PPFIA1: variants seen among roughly 807,000 people sequenced by gnomAD.
The protein encoded by PPFIA1 is liprin-alpha-1.
Under a neutral mutation model 149.9 loss-of-function variants are expected in PPFIA1, and 25 were observed. That is an observed-to-expected ratio of 0.17 (90% CI 0.12 to 0.23). The LOEUF is 0.23. Among genes scored for constraint, PPFIA1 ranks in the 10% least tolerant of loss-of-function variants. The pLI is 1.00. For synonymous variants in PPFIA1, 549 were observed against 552.8 expected (o/e 0.99, Z 0.10); for missense variants, 1,362 against 1,506.5 (o/e 0.90, Z 1.59).
intron 11 of PPFIA1, among the ~76,000 whole-genome samples, chr11:70,335,947 G>C (rs908319961): frequency 1.3e-5 from 2 of 152,170 alleles, no homozygotes; most frequent in Non-Finnish European, 2.9e-5. Context: ...GTAGGTAAGT[G>C]GTTTTTATAA....
At chr11:70,364,483 G>A (rs2056817835) in intron 21 of PPFIA1, 1 of 152,180 alleles carries the variant, frequency 6.6e-6, no homozygotes, top group South Asian at 2.1e-4. Flanking sequence ...TTGCAATGAA[G>A]AGCCTCACAC....
intron 2 of PPFIA1, among the ~76,000 whole-genome samples, chr11:70,319,163 C>T (rs183486238): frequency 2.0e-4 from 30 of 152,362 alleles, no homozygotes; most frequent in Admixed American, 1.4e-3. Context: ...CACTTGCTTC[C>T]GCCAGAATCC....
At chr11:70,302,407 A>C (rs1009847583) in intron 2 of PPFIA1, among the ~76,000 whole-genome samples, 3 of 152,218 alleles carry the variant, frequency 2.0e-5, no homozygotes, top group African/African-American at 7.2e-5. Flanking sequence ...GCTGGAGTGC[A>C]TTCTCTGAGA....
At chr11:70,342,935 C>CGT (rs1565421266) in intron 14 of PPFIA1, among the ~76,000 whole-genome samples, 56 of 103,146 alleles carry the variant, frequency 5.4e-4, no homozygotes, top group African/African-American at 2.2e-3. Context: ...AAATGTACCA[C>CGT]CTTTTTTTTT....
At chr11:70,336,566 C>T (rs965152551) in intron 11 of PPFIA1, among the ~76,000 whole-genome samples, 9 of 151,250 alleles carry the variant, frequency 6.0e-5, no homozygotes, top group African/African-American at 9.7e-5. Context: ...TAGGTTGTAT[C>T]GTGTACTAGA....
At chr11:70,363,418 T>C (rs78913325) in intron 21 of PPFIA1, 67 of 152,380 alleles carry the variant, frequency 4.4e-4, no homozygotes, top group African/African-American at 1.6e-3. Flanking sequence ...TCCGTATCAT[T>C]CCATGTGTAA....
chr11:70,312,743 C>A (rs1387088892), intron 2 of PPFIA1, among the ~76,000 whole-genome samples: 1 of 152,160 alleles, frequency 6.6e-6, no homozygotes, highest in Non-Finnish European at 1.5e-5. Flanking sequence ...AATGGGTGTG[C>A]CTTTGGTTCC....
chr11:70,306,969 C>G (rs1354511943), intron 2 of PPFIA1, among the ~76,000 whole-genome samples: 1 of 152,182 alleles, frequency 6.6e-6, no homozygotes, highest in Non-Finnish European at 1.5e-5. Context: ...CTTCCCACCT[C>G]TCCCAGCAGA....
At chr11:70,302,129 G>C (rs571960479) in intron 2 of PPFIA1, among the ~76,000 whole-genome samples, 1 of 152,338 alleles carries the variant, frequency 6.6e-6, no homozygotes, top group South Asian at 2.1e-4. Flanking sequence ...GTTGCCCTCA[G>C]GGGCCAGAAG....
At chr11:70,272,119 G>C in intron 1 of PPFIA1, 54 bp from the exon 2 acceptor site, 1 of 1,558,654 alleles carries the variant, frequency 6.4e-7, no homozygotes, top group Non-Finnish European at 8.7e-7. Flanking sequence ...TTGCATATTT[G>C]TGGGAACCTG....
chr11:70,372,334 C>T lies in PPFIA1; in HGVS notation c.2985C>T (p.Asp995=), dbSNP rs955142528. ...GCCTTGTAGACGCCAGGATGCTGGA[C>T]CACTTGACCAAGAAAGACCTTCGAG... ...MECLVDARML[D]HLTKKDLRGQ... Residue 995 remains aspartate, a synonymous_variant, in exon 22 of 28, where the codon GAC becomes GAT. Transcript: ENST00000253925. The T allele has an allele frequency of 3.1e-6, 5 of 1,614,182 alleles. No homozygotes were observed. Among genetic ancestry groups the T allele is most frequent in the Middle Eastern group, 1.6e-4 (1 of 6,062 alleles).
At chr11:70,342,936 C>CTTTTTTTTTTTTTTTTTTTTTTT (rs71463672) in intron 14 of PPFIA1, among the ~76,000 whole-genome samples, 1 of 78,172 alleles carries the variant, frequency 1.3e-5, no homozygotes, top group African/African-American at 6.2e-5. Flanking sequence ...AATGTACCAC[C>CTTTTTTTTTTTTTTTTTTTTTTT]TTTTTTTTTT....
intron 8 of PPFIA1, among the ~76,000 whole-genome samples, chr11:70,330,737 G>A (rs913431298): frequency 2.1e-4 from 32 of 151,956 alleles, no homozygotes; most frequent in African/African-American, 7.5e-4. Flanking sequence ...TGGGAAGATC[G>A]CTTGAGCCCA....
chr11:70,336,418 C>T (rs2054983107), intron 11 of PPFIA1, among the ~76,000 whole-genome samples: 1 of 150,994 alleles, frequency 6.6e-6, no homozygotes, highest in East Asian at 1.9e-4. Context: ...ATGAAAATCG[C>T]TTGAACCCAG....
intron 15 of PPFIA1, among the ~76,000 whole-genome samples, chr11:70,345,585 T>C (rs11235967): frequency 0.22 from 33,228 of 151,796 alleles, 5,545 homozygotes; most frequent in African/African-American, 0.46. Context: ...AAGACACTGG[T>C]TTAGAGGAGA....
chr11:70,310,385 C>CTT (rs754099737), intron 2 of PPFIA1, among the ~76,000 whole-genome samples: 8 of 132,160 alleles, frequency 6.1e-5, no homozygotes, highest in Admixed American at 7.6e-5. Context: ...CATCCATGTA[C>CTT]TTTTTTTTTT....
At chr11:70,367,763 C>G (rs2057020023) in intron 21 of PPFIA1, 3 of 363,424 alleles carry the variant, frequency 8.3e-6, no homozygotes, top group Non-Finnish European at 1.6e-5. Context: ...TCTATTTAGA[C>G]AATTCCTTTG....
intron 2 of PPFIA1, among the ~76,000 whole-genome samples, chr11:70,286,754 C>CTTTTTTTTTT (rs957912008): frequency 3.2e-5 from 4 of 124,002 alleles, no homozygotes; most frequent in Admixed American, 1.6e-4. Flanking sequence ...TTCTTTCTTT[C>CTTTTTTTTTT]TTTTTTTTTT....
At chr11:70,345,573 G>C (rs760123936) in intron 15 of PPFIA1, among the ~76,000 whole-genome samples, 1 of 152,062 alleles carries the variant, frequency 6.6e-6, no homozygotes, top group Non-Finnish European at 1.5e-5. Context: ...GTTGAGATGA[G>C]GAAGACACTG....
Sources: allele counts gnomAD v4.1 joint callset (sites outside exome capture counted in the v4.1 genomes callset), GRCh38; gene constraint gnomAD v4.1.1; transcripts MANE v1.5; gene names NCBI Gene and HGNC (gene_info 2026-07-23, HGNC 2026-07-21).